Variants in ARMC2 observed in about 807,000 individuals in gnomAD.
ARMC2 encodes the protein armadillo repeat-containing protein 2.
ARMC2 carries 67 observed loss-of-function variants against 90.3 expected under a neutral mutation model. The ratio of observed to expected loss-of-function variants is 0.74; its 90% confidence interval spans 0.61 to 0.91. The LOEUF is 0.91. ARMC2 is among the 40% of genes least tolerant of loss of function. The pLI, the probability that ARMC2 is intolerant of heterozygous loss-of-function variation, is 0.00. For synonymous variants in ARMC2, 393 were observed against 393.0 expected (o/e 1.00, Z 0.00); for missense variants, 920 against 1,030.9 (o/e 0.89, Z 1.47).
At chr6:109,042,312 T>C in the ARMC2 span, among the ~76,000 whole-genome samples, 798 of 151,312 alleles carry the variant, frequency 5.3e-3, 29 homozygotes, top group East Asian at 0.082. Context: ...AGAAGAGCAG[T>C]ATAAACTGAG....
the ARMC2 span, chr6:108,986,929 A>AAATT: frequency 1.3e-5 from 2 of 152,616 alleles, no homozygotes; most frequent in African/African-American, 2.4e-5. Context: ...CTAATGAAAG[A>AAATT]AATTAACTGT....
At chr6:108,894,755 A>G (rs1411235626) in intron 6 of ARMC2, among the ~76,000 whole-genome samples, 3 of 148,536 alleles carry the variant, frequency 2.0e-5, no homozygotes, top group Non-Finnish European at 4.5e-5. Context: ...TCTATAGATG[A>G]CAGTCTTTTT....
intron 3 of ARMC2, among the ~76,000 whole-genome samples, chr6:108,864,289 A>AC (rs1775580778): frequency 7.1e-6 from 1 of 139,894 alleles, no homozygotes; most frequent in African/African-American, 2.7e-5. Flanking sequence ...TTGCTCTGTC[A>AC]CCAGGCTGGA....
rs1299622749 is a variant in ARMC2, at chr6:108,973,705, T to C, written c.*191T>C. On this transcript the variant is annotated 3_prime_UTR_variant, in exon 18 of 18. Transcript: ENST00000392644. ...GTTAGGTATTATGGAAAAATGAATA[T>C]ACACATTATATTTCCTGTTGAGAGA... is the stretch of plus-strand genomic sequence containing the variant. 4 of 472,276 alleles carry C rather than the reference T, an allele frequency of 8.5e-6. No individual in the cohort carries two copies. Among genetic ancestry groups the C allele is most frequent in the East Asian group, 3.2e-5 (1 of 30,882 alleles). The allele number at this position is 472,276 out of a possible 1,614,324, so 29.3% of individuals were successfully genotyped here.
At chr6:108,979,544 G>C in the ARMC2 span, among the ~76,000 whole-genome samples, 1 of 152,090 alleles carries the variant, frequency 6.6e-6, no homozygotes, top group African/African-American at 2.4e-5. Context: ...GGCCTGCCTT[G>C]CTAGATTGGG....
At chr6:109,008,728 A>T in the ARMC2 span, 1 of 972,070 alleles carries the variant, frequency 1.0e-6, no homozygotes, top group Non-Finnish European at 1.2e-6. Flanking sequence ...AGAAAAAAAC[A>T]CAAAATGTTA....
At chr6:109,029,275 T>C in the ARMC2 span, among the ~76,000 whole-genome samples, 1 of 152,174 alleles carries the variant, frequency 6.6e-6, no homozygotes, top group Non-Finnish European at 1.5e-5. Context: ...AGGATACTAT[T>C]AGGAACAATA....
chr6:108,905,329 G>T (rs549155127), intron 8 of ARMC2, among the ~76,000 whole-genome samples: 2 of 152,244 alleles, frequency 1.3e-5, no homozygotes, highest in South Asian at 4.1e-4. Flanking sequence ...ATATCAGGGG[G>T]AGGCTACATT....
chr6:108,988,595 ACCTTT>A, the ARMC2 span: 1 of 1,613,330 alleles, frequency 6.2e-7, no homozygotes, highest in Non-Finnish European at 8.5e-7. Context: ...TCTTTTGGTA[ACCTTT>A]TCAGGAGTGC....
intron 17 of ARMC2, among the ~76,000 whole-genome samples, chr6:108,967,309 A>T (rs1778441198): frequency 6.6e-6 from 1 of 152,192 alleles, no homozygotes; most frequent in Non-Finnish European, 1.5e-5. Flanking sequence ...CTACCGGGTG[A>T]CAGGCTATCT....
chr6:108,849,673 C>T (rs1205728303), intron 1 of ARMC2, among the ~76,000 whole-genome samples: 2 of 152,174 alleles, frequency 1.3e-5, no homozygotes, highest in Non-Finnish European at 2.9e-5. Flanking sequence ...TAATTGTTAA[C>T]ATCTTTAAGG....
chr6:109,014,941 A>G, the ARMC2 span, among the ~76,000 whole-genome samples: 1 of 152,224 alleles, frequency 6.6e-6, no homozygotes, highest in African/African-American at 2.4e-5. Flanking sequence ...TCTCAATAGG[A>G]TATAAGCTTC....
Position 108,962,106 on chromosome 6 carries a change from G to C in ARMC2, c.2131G>C (p.Asp711His). Residue 711 changes from aspartate to histidine, a missense_variant, in exon 15 of 18, where the codon GAT becomes CAT. Asp to His is a moderately conservative substitution (Grantham distance 81). Coordinates refer to ENST00000392644, the MANE Select transcript of ARMC2 (RefSeq NM_032131.6). ...TCTCTCCCAGGACCATGATGTCTGC[G>C]ATTTCATTGTGCAGAACAATGGTGA... ...GNLSQDHDVC[D>H]FIVQNNVHRF... is the part of the protein sequence containing the mutation. 2.5e-6 allele frequency: 4 copies of C among 1,610,188 alleles called. No homozygotes were observed. The highest frequency in any genetic ancestry group is 3.4e-6 in the Non-Finnish European group (4 of 1,177,280).
intron 10 of ARMC2, among the ~76,000 whole-genome samples, chr6:108,922,636 T>G (rs915590650): frequency 2.0e-5 from 3 of 152,184 alleles, no homozygotes; most frequent in African/African-American, 7.2e-5. Context: ...CTTAGTACAT[T>G]TTTTCCCTTT....
the ARMC2 span, among the ~76,000 whole-genome samples, chr6:109,032,620 G>T: frequency 7.9e-6 from 1 of 126,120 alleles, no homozygotes; most frequent in Non-Finnish European, 1.5e-5. Context: ...TTCATCTCGT[G>T]GGGGGAGTGG....
chr6:108,988,084 A>G, the ARMC2 span, among the ~76,000 whole-genome samples: 28,384 of 152,022 alleles, frequency 0.19, 3,159 homozygotes, highest in African/African-American at 0.31. Context: ...GTGAGCCACC[A>G]TACCTGGCCT....
chr6:108,962,707 T>C (rs1379926976), intron 15 of ARMC2, among the ~76,000 whole-genome samples: 5 of 152,222 alleles, frequency 3.3e-5, no homozygotes, highest in Admixed American at 6.5e-5. Flanking sequence ...TAAACTCCAA[T>C]TTAAGACAGA....
chr6:108,878,798 A>G (rs1263758918), intron 5 of ARMC2, among the ~76,000 whole-genome samples: 1 of 152,216 alleles, frequency 6.6e-6, no homozygotes, highest in East Asian at 1.9e-4. Flanking sequence ...CTTGCTCCTC[A>G]GGAATACTTC....
chr6:109,019,196 CACACACAA>C, the ARMC2 span, among the ~76,000 whole-genome samples: 1 of 152,108 alleles, frequency 6.6e-6, no homozygotes, highest in Non-Finnish European at 1.5e-5. Flanking sequence ...TTTTTACACA[CACACACAA>C]ACACACACAC....
Sources: gnomAD v4.1 joint callset for allele counts (sites outside exome capture counted in the v4.1 genomes callset) on GRCh38, gnomAD v4.1.1 for gene constraint, MANE v1.5 for transcripts, NCBI Gene and HGNC (gene_info 2026-07-23, HGNC 2026-07-21) for gene names.